Variants in P2RX3 observed in about 807,000 individuals in gnomAD.
P2RX3 encodes P2X purinoceptor 3.
A neutral mutation model predicts 51.5 loss-of-function variants in P2RX3; 41 were observed. The ratio of observed to expected loss-of-function variants is 0.80; its 90% CI spans 0.62 to 1.03. The LOEUF is 1.03. P2RX3 is among the 50% of genes least tolerant of loss of function. The pLI is 0.00. For missense variants in P2RX3, 459 were observed against 522.1 expected, an observed-to-expected ratio of 0.88 and a Z score of 1.18; for synonymous variants, 185 against 191.6, an observed-to-expected ratio of 0.97 and a Z score of 0.29.
At chr11:57,347,588 C>A in intron 4 of P2RX3, 110 bp downstream of exon 4, 1 of 1,246,018 alleles carries the variant, frequency 8.0e-7, no homozygotes, top group Non-Finnish European at 1.1e-6. Flanking sequence ...TGTCATTCTG[C>A]TGGCATTTAC....
chr11:57,349,408 G>C (rs1405149724), intron 6 of P2RX3, among the ~76,000 whole-genome samples: 4 of 151,986 alleles, frequency 2.6e-5, no homozygotes, highest in Non-Finnish European at 5.9e-5. Context: ...AGAGGTTGCA[G>C]TGAGCCGAGA....
intron 8 of P2RX3, among the ~76,000 whole-genome samples, chr11:57,358,894 C>T (rs1175556078): frequency 6.6e-6 from 1 of 152,190 alleles, no homozygotes; most frequent in African/African-American, 2.4e-5. Flanking sequence ...CACTCACACA[C>T]ACACGCACTC....
chr11:57,337,591 T>G (rs1358647032), upstream of P2RX3, among the ~76,000 whole-genome samples: 1 of 152,166 alleles, frequency 6.6e-6, no homozygotes, highest in Non-Finnish European at 1.5e-5. Flanking sequence ...ACACCGCATA[T>G]TCTCACTCAT....
At chr11:57,364,095 T>A (rs1856761434) in intron 8 of P2RX3, among the ~76,000 whole-genome samples, 1 of 152,180 alleles carries the variant, frequency 6.6e-6, no homozygotes, top group Non-Finnish European at 1.5e-5. Context: ...GTTTTCATGG[T>A]TGCAGCCTTT....
rs1590647501 is a variant in P2RX3, at chr11:57,371,835, G to A, written c.*1838G>A. Among the ~76,000 whole-genome samples, 2 of 152,202 alleles carry A rather than the reference G, an allele frequency of 1.3e-5. No homozygotes were observed. Among genetic ancestry groups the A allele is most frequent in the Admixed American group, 1.3e-4 (2 of 15,286 alleles). Reference sequence around the variant, plus strand: ...GGAATTCAGCTCTTGGGAGGCTGGGGTCACAGGGATTCTCTCTAATGGGGA... The same window carrying A: ...GGAATTCAGCTCTTGGGAGGCTGGGATCACAGGGATTCTCTCTAATGGGGA... On this transcript the variant is annotated 3_prime_UTR_variant, in exon 12 of 12. Transcript: ENST00000263314.
In P2RX3 at chr11:57,368,064, G is replaced by T. The variant is rs1408593694; in HGVS notation, c.898G>T (p.Ala300Ser). ...NGSEYRTLLK[A>S]FGIRFDVLVY... ...CAGTGAGTACCGCACCCTCCTGAAG[G>T]CTTTTGGCATCCGCTTCGACGTGCT... is the stretch of plus-strand genomic sequence containing the variant. The change falls in exon 9 of 12, where the codon GCT becomes TCT. Residue 300 changes from alanine (A) to serine (S), a missense_variant. By Grantham distance (99) the Ala-to-Ser change is moderately conservative. Coordinates refer to ENST00000263314, the MANE Select transcript of P2RX3 (RefSeq NM_002559.5). 6.2e-7 allele frequency: 1 copy of T among 1,614,044 alleles called. No individual in the cohort carries two copies. The highest frequency in any genetic ancestry group is 1.1e-5 in the South Asian group (1 of 91,090).
intron 8 of P2RX3, among the ~76,000 whole-genome samples, chr11:57,362,220 C>T (rs887544676): frequency 2.0e-5 from 3 of 152,138 alleles, no homozygotes; most frequent in Admixed American, 6.5e-5. Flanking sequence ...TCAGGAAATG[C>T]AGGAAGGCAG....
chr11:57,339,060 C>T lies in P2RX3; in HGVS notation c.119+391C>T, dbSNP rs527755868. On this transcript the variant is annotated intron_variant, in intron 1 of 11. Transcript: ENST00000263314. Reference sequence around the variant, plus strand: ...TTCGAATTCCCCTCAGTCAAGTCTTCGGGGTCTCAAAAAGACAAGACAGCA... The same window carrying T: ...TTCGAATTCCCCTCAGTCAAGTCTTTGGGGTCTCAAAAAGACAAGACAGCA... Among the ~76,000 whole-genome samples the T allele has an allele frequency of 1.5e-4, 23 of 152,236 alleles. 1 individual carries two copies. The South Asian group carries it at 4.4e-3, about 29-fold the overall frequency.
intron 8 of P2RX3, among the ~76,000 whole-genome samples, chr11:57,353,836 CT>C (rs1483690276): frequency 1.5e-3 from 28 of 18,494 alleles, no homozygotes; most frequent in Non-Finnish European, 5.5e-3. Context: ...CCAAATGTCA[CT>C]CCCCCCCCCC....
upstream of P2RX3, among the ~76,000 whole-genome samples, chr11:57,337,161 G>A (rs369548525): frequency 1.3e-5 from 2 of 151,732 alleles, no homozygotes; most frequent in Non-Finnish European, 1.5e-5. Flanking sequence ...GCGTGGTGGC[G>A]GGTGCCTATA....
At chr11:57,363,917 T>A (rs1856758567) in intron 8 of P2RX3, among the ~76,000 whole-genome samples, 3 of 152,228 alleles carry the variant, frequency 2.0e-5, no homozygotes, top group African/African-American at 7.2e-5. Flanking sequence ...CTTACCATGC[T>A]TATTGCCTCT....
upstream of P2RX3, among the ~76,000 whole-genome samples, chr11:57,337,350 G>GAAAGAAAAAAAA (rs1856250486): frequency 2.7e-5 from 2 of 73,496 alleles, no homozygotes; most frequent in Admixed American, 1.4e-4. Context: ...AGGAAAGAAA[G>GAAAGAAAAAAAA]AAAAAAAAAA....
At position 57,372,000 on chromosome 11, in the gene P2RX3, A is replaced by G. The variant is rs928661064; in HGVS notation, c.*2003A>G. On this transcript the variant is annotated 3_prime_UTR_variant, in exon 12 of 12. Coordinates refer to ENST00000263314, the MANE Select transcript of P2RX3 (RefSeq NM_002559.5). ...GTGTGAGCCTGAGGTTGTCCTCCGC[A>G]TATCTGAACTAAGTTACCACTTCTG... Among the ~76,000 whole-genome samples the G allele has an allele frequency of 6.6e-6, 1 of 150,650 alleles. No homozygotes were observed. The highest frequency in any genetic ancestry group is 1.5e-5 in the Non-Finnish European group (1 of 67,700).
chr11:57,344,552 A>G (rs183995710), intron 1 of P2RX3, among the ~76,000 whole-genome samples: 1 of 152,130 alleles, frequency 6.6e-6, no homozygotes, highest in African/African-American at 2.4e-5. Flanking sequence ...CAAAAAAGTT[A>G]GCCAGGCGTG....
chr11:57,352,138 C>G (rs780745457), intron 8 of P2RX3, among the ~76,000 whole-genome samples: 5 of 152,082 alleles, frequency 3.3e-5, no homozygotes, highest in Admixed American at 2.0e-4. Context: ...GTGGTATTCT[C>G]TGATACAATG....
At chr11:57,360,022 T>A (rs1856689909) in intron 8 of P2RX3, among the ~76,000 whole-genome samples, 1 of 152,186 alleles carries the variant, frequency 6.6e-6, no homozygotes, top group Non-Finnish European at 1.5e-5. Context: ...CCCAAGGTCA[T>A]ATAAACTAGG....
chr11:57,348,020 A>G (rs1269717112), intron 4 of P2RX3, 150 bp from the exon 5 acceptor site: 1 of 667,084 alleles, frequency 1.5e-6, no homozygotes, highest in Non-Finnish European at 2.5e-6. Context: ...GCTCAGGAGA[A>G]GCAGCAGGAG....
intron 7 of P2RX3, 133 bp downstream of exon 7, chr11:57,350,031 C>T: frequency 7.3e-7 from 1 of 1,365,030 alleles, no homozygotes; most frequent in Non-Finnish European, 9.9e-7. Context: ...CATCCCAGGC[C>T]GCCACTGGCT....
At chr11:57,365,292 GTGA>G (rs1856781702) in intron 8 of P2RX3, among the ~76,000 whole-genome samples, 2 of 152,228 alleles carry the variant, frequency 1.3e-5, no homozygotes, top group African/African-American at 4.8e-5. Context: ...AACCAGGCCA[GTGA>G]AGGGCCTCTG....
Sources: gnomAD v4.1 joint callset for allele counts (sites outside exome capture counted in the v4.1 genomes callset) on GRCh38, gnomAD v4.1.1 for gene constraint, MANE v1.5 for transcripts, NCBI Gene and HGNC (gene_info 2026-07-23, HGNC 2026-07-21) for gene names.